IRS2: variants seen among roughly 807,000 people sequenced by gnomAD.
The protein encoded by IRS2 is insulin receptor substrate 2.
IRS2 carries 28 observed loss-of-function variants against 70.9 expected under a neutral mutation model. The observed-to-expected ratio is 0.39, with a 90% confidence interval of 0.29 to 0.54. IRS2 has a LOEUF of 0.54. IRS2 is among the 20% of genes least tolerant of loss of function. The pLI is 0.59. For missense variants in IRS2, 2,081 were observed against 2,024.1 expected (o/e 1.03, Z -0.54); for synonymous variants, 1,217 against 981.9 (o/e 1.24, Z -4.48).
rs1158208535 is a variant in IRS2 at position 109,782,625 on chromosome 13, G to A, written c.3429C>T (p.Gly1143=). ...AKVIRADPQG[G]RRRHSSETFS... is the part of the protein sequence containing the mutation. ...AGGTCTCGGAACTGTGGCGGCGGCG[G>A]CCCCCCTGCGGGTCTGCGCGGATGA... is the stretch of plus-strand genomic sequence containing the variant. Residue 1143 remains glycine, a synonymous_variant, in exon 1 of 2, where the codon GGC becomes GGT. Transcript: ENST00000375856. The A allele has an allele frequency of 7.6e-6, 12 of 1,574,040 alleles. No individual in the cohort carries two copies. In the African/African-American group the frequency reaches 1.3e-4, roughly 18 times the overall value.
At position 109,784,396 on chromosome 13, in the gene IRS2, C is replaced by G. The variant is rs781069043; in HGVS notation, c.1658G>C (p.Gly553Ala). 1 of 1,610,674 alleles carries G rather than the reference C, an allele frequency of 6.2e-7. No homozygotes were observed. Among genetic ancestry groups the G allele is most frequent in the Non-Finnish European group, 8.5e-7 (1 of 1,179,348 alleles). Residue 553 changes from glycine (G) to alanine (A), a missense_variant, in exon 1 of 2, where the codon GGC becomes GCC. Around this residue, in one of 4 missense-constraint regions of IRS2, gnomAD observed 1,615 missense variants for 1,459.5 expected, o/e 1.11. Coordinates refer to ENST00000375856, the MANE Select transcript of IRS2 (RefSeq NM_003749.3). This position sits in a 1 kb window ranked among gnomAD's most constrained non-coding sequence, Gnocchi z 5.2. ...MTMDRPLSHC[G>A]RSYRRVSGDA... ...CCCCGAGACCCGGCGGTAGGAGCGG[C>G]CACAGTGGCTCAGGGGCCTGTCCAT...
chr13:109,783,539 G>A lies in IRS2; in HGVS notation c.2515C>T (p.Leu839=). The change falls in exon 1 of 2, where the codon CTG becomes TTG. Residue 839 remains leucine (L), a synonymous_variant. Coordinates refer to ENST00000375856, the MANE Select transcript of IRS2 (RefSeq NM_003749.3). ...GGCCCTGGCGTGGCCTGAGGCTCCA[G>A]ACGCTCCTCCTCCAGGATGCGCCCC... The part of the protein sequence containing the change: ...PVGRILEEER[L]EPQATPGPSQ... The A allele has an allele frequency of 6.5e-7, 1 of 1,549,494 alleles. No homozygotes were observed. The highest frequency in any genetic ancestry group is 8.7e-7 in the Non-Finnish European group (1 of 1,146,774).
rs2138935576 is a variant in IRS2, at chr13:109,784,364, C to T, written c.1690G>A (p.Ala564Thr). 6.2e-7 allele frequency: 1 copy of T among 1,609,618 alleles called. No homozygotes were observed. ...CGCAGCCCTCGGTCCAGGTCCTGGG[C>T]CGCGTCCCCCGAGACCCGGCGGTAG... Reference protein sequence around the residue: ...RSYRRVSGDAAQDLDRGLRKR... With the variant: ...RSYRRVSGDATQDLDRGLRKR... Residue 564 changes from alanine to threonine, a missense_variant, in exon 1 of 2, where the codon GCC becomes ACC. Transcript: ENST00000375856. The surrounding 1 kb of genome is among the most constrained non-coding windows in gnomAD (Gnocchi z 5.2).
At position 109,785,178 on chromosome 13, in the gene IRS2, C is replaced by T. The variant is rs2138937694; in HGVS notation, c.876G>A (p.Lys292=). ...NIHETILEAM[K]ALKELFEFRP... ...GGAACTCGAAGAGCTCCTTGAGCGCCTTCATGGCCTCCAGGATGGTCTCGT... is the reference window on the plus strand; with the variant it reads ...GGAACTCGAAGAGCTCCTTGAGCGCTTTCATGGCCTCCAGGATGGTCTCGT... The change falls in exon 1 of 2, where the codon AAG becomes AAA. Residue 292 remains lysine (K), a synonymous_variant. Transcript: ENST00000375856. The surrounding 1 kb of genome is among the most constrained non-coding windows in gnomAD (Gnocchi z 9.3). 1 of 1,601,916 alleles carries T rather than the reference C, an allele frequency of 6.2e-7. No homozygotes were observed. The highest frequency in any genetic ancestry group is 8.5e-7 in the Non-Finnish European group (1 of 1,174,976).
chr13:109,753,501 T>C lies in IRS2; in HGVS notation c.*2803A>G, dbSNP rs1877038673. 6.6e-6 allele frequency: 1 copy of C among 152,352 alleles called. No homozygotes were observed. Among genetic ancestry groups the C allele is most frequent in the Admixed American group, 6.5e-5 (1 of 15,286 alleles). The allele number at this position is 152,352 out of a possible 1,614,324, so 9.4% of individuals were successfully genotyped here. ...TTTTGTACCTCGGGCTCCTCCTCTG[T>C]AGAATGAGGATGACAATTCTTACCT... On this transcript the variant is annotated 3_prime_UTR_variant, in exon 2 of 2. Coordinates refer to ENST00000375856, the MANE Select transcript of IRS2 (RefSeq NM_003749.3).
At chr13:109,756,730 TTC>T (rs1236004809) in intron 1 of IRS2, among the ~76,000 whole-genome samples, 19 of 152,162 alleles carry the variant, frequency 1.2e-4, no homozygotes, top group African/African-American at 4.6e-4. Flanking sequence ...TCCACTTGCC[TTC>T]CTCCCAGGGC....
At chr13:109,756,872 C>G (rs898967760) in intron 1 of IRS2, among the ~76,000 whole-genome samples, 1 of 152,194 alleles carries the variant, frequency 6.6e-6, no homozygotes, top group Admixed American at 6.5e-5. Flanking sequence ...AACTTCCAAC[C>G]GGATCATCTA....
In IRS2 at chr13:109,774,578, G is replaced by A. The variant is rs60868291; in HGVS notation, c.4012+7464C>T. Among the ~76,000 whole-genome samples, 61 of 152,186 alleles carry A rather than the reference G, an allele frequency of 4.0e-4. 1 individual carries two copies. The East Asian group carries it at 7.7e-3, about 19-fold the overall frequency. ...ATCCTAATGTAATTATTGCATATGA[G>A]CTTCCCAAGCAGACAATATGACATT... On this transcript the variant is annotated intron_variant, in intron 1 of 1. Coordinates refer to ENST00000375856, the MANE Select transcript of IRS2 (RefSeq NM_003749.3).
Position 109,785,466 on chromosome 13 carries a change from C to T in IRS2, c.588G>A (p.Glu196=). 1 of 1,612,212 alleles carries T rather than the reference C, an allele frequency of 6.2e-7. No individual in the cohort carries two copies. Among genetic ancestry groups the T allele is most frequent in the East Asian group, 2.2e-5 (1 of 44,806 alleles). Residue 196 remains glutamate, a synonymous_variant, in exon 1 of 2, where the codon GAG becomes GAA. Coordinates refer to ENST00000375856, the MANE Select transcript of IRS2 (RefSeq NM_003749.3). This position sits in a 1 kb window ranked among gnomAD's most constrained non-coding sequence, Gnocchi z 9.3. ...TGGGCTTCAGGTTCACCTGCCACAC[C>T]TCACGGTAGGCGGCCGTGGCGGGAG... ...LVAPATAAYR[E]VWQVNLKPKG... is the part of the protein sequence containing the mutation.
Position 109,785,344 on chromosome 13 carries a change from G to A in IRS2, c.710C>T (p.Ser237Leu), listed in dbSNP as rs2138938070. 1 of 1,611,610 alleles carries A rather than the reference G, an allele frequency of 6.2e-7. No individual in the cohort carries two copies. Among genetic ancestry groups the A allele is most frequent in the Middle Eastern group, 1.7e-4 (1 of 6,056 alleles). The change falls in exon 1 of 2, where the codon TCG becomes TTG. Residue 237 changes from serine (S) to leucine (L), a missense_variant. This residue lies in a region of IRS2 where 35 missense variants were observed against 78.6 expected (regional missense o/e 0.45). Transcript: ENST00000375856. This position sits in a 1 kb window ranked among gnomAD's most constrained non-coding sequence, Gnocchi z 9.3. Reference protein sequence around the residue: ...GFVKLNCEQPSVTLQLMNIRR... With the variant: ...GFVKLNCEQPLVTLQLMNIRR... ...GATGTTCATGAGCTGCAGCGTCACC[G>A]ACGGCTGCTCGCAGTTGAGCTTCAC...
chr13:109,768,995 C>A (rs1447989251), intron 1 of IRS2, among the ~76,000 whole-genome samples: 1 of 152,186 alleles, frequency 6.6e-6, no homozygotes, highest in Admixed American at 6.5e-5. Context: ...ACGCTACAAA[C>A]GTTAAGTTTT....
intron 1 of IRS2, among the ~76,000 whole-genome samples, chr13:109,758,874 CGGAAGAGGAAGA>C (rs1181712113): frequency 9.2e-6 from 1 of 108,896 alleles, no homozygotes; most frequent in East Asian, 2.5e-4. Flanking sequence ...GAAGGGCAAG[CGGAAGAGGAAGA>C]GGAAGGGGAA....
chr13:109,757,670 T>C (rs1230962570), intron 1 of IRS2, among the ~76,000 whole-genome samples: 3 of 152,162 alleles, frequency 2.0e-5, no homozygotes, highest in Non-Finnish European at 2.9e-5. Context: ...GTTTTATCTA[T>C]TTTATTTATT....
rs781449170 is a variant in IRS2, at chr13:109,785,118, C to T, written c.936G>A (p.Ser312=). ...CGGGGACGCTGATGGGGTGCGTGGC[C>T]GACGACCCCGACGATTGGCTCTTAC... ...PRSKSQSSGS[S]ATHPISVPGA... Residue 312 remains serine, a synonymous_variant, in exon 1 of 2, where the codon TCG becomes TCA. Coordinates refer to ENST00000375856, the MANE Select transcript of IRS2 (RefSeq NM_003749.3). The surrounding 1 kb of genome is among the most constrained non-coding windows in gnomAD (Gnocchi z 9.3). The T allele has an allele frequency of 1.0e-5, 16 of 1,591,690 alleles. No individual in the cohort carries two copies. Among genetic ancestry groups the T allele is most frequent in the Non-Finnish European group, 1.4e-5 (16 of 1,170,160 alleles).
rs1877881558 is a variant in IRS2, at chr13:109,785,229, G to C, written c.825C>G (p.Asp275Glu). 6.2e-7 allele frequency: 1 copy of C among 1,604,922 alleles called. No homozygotes were observed. Among genetic ancestry groups the C allele is most frequent in the Admixed American group, 1.7e-5 (1 of 59,292 alleles). Residue 275 changes from aspartate to glutamate, a missense_variant, in exon 1 of 2, where the codon GAC (aspartate) becomes GAG (glutamate). Asp to Glu is a conservative substitution (Grantham distance 45). This residue lies in a region of IRS2 where 35 missense variants were observed against 78.6 expected (regional missense o/e 0.45). Coordinates refer to ENST00000375856, the MANE Select transcript of IRS2 (RefSeq NM_003749.3). This position sits in a 1 kb window ranked among gnomAD's most constrained non-coding sequence, Gnocchi z 9.3. ...GGATGTTCTGCGCCACCACCGAGTC[G>C]TCCGCCTGCATCCACAGCTCGCCGG... ...TGPGELWMQA[D>E]DSVVAQNIHE...
rs1877868618 is a variant in IRS2, at chr13:109,784,917, G to A, written c.1137C>T (p.Gly379=). Residue 379 remains glycine, a synonymous_variant, in exon 1 of 2, where the codon GGC becomes GGT. Coordinates refer to ENST00000375856, the MANE Select transcript of IRS2 (RefSeq NM_003749.3). The surrounding 1 kb of genome is among the most constrained non-coding windows in gnomAD (Gnocchi z 5.2). ...GGAAAGAAAA[G]ARPVSVAGSP... ...TCCCAGCCACCGACACCGGCCTGGCGCCCGCGGCCGCCGCTCCCGCCGCCG... is the reference window on the plus strand; with the variant it reads ...TCCCAGCCACCGACACCGGCCTGGCACCCGCGGCCGCCGCTCCCGCCGCCG... 1.9e-6 allele frequency: 2 copies of A among 1,040,238 alleles called. No individual in the cohort carries two copies. Among genetic ancestry groups the A allele is most frequent in the Admixed American group, 5.6e-5 (1 of 17,862 alleles). The allele number at this position is 1,040,238 out of a possible 1,614,324, so 64.4% of individuals were successfully genotyped here.
At chr13:109,772,762 C>T (rs1315842612) in intron 1 of IRS2, among the ~76,000 whole-genome samples, 3 of 148,938 alleles carry the variant, frequency 2.0e-5, no homozygotes, top group Non-Finnish European at 4.4e-5. Flanking sequence ...GTGGCGCGAT[C>T]TCGGCTCACT....
intron 1 of IRS2, among the ~76,000 whole-genome samples, chr13:109,763,632 G>A (rs79891016): frequency 0.04 from 6,114 of 152,244 alleles, 155 homozygotes; most frequent in Admixed American, 0.054. Flanking sequence ...AAGAGTATTT[G>A]GGCCAAGTGA....
intron 1 of IRS2, among the ~76,000 whole-genome samples, chr13:109,756,942 T>A (rs1877119746): frequency 6.6e-6 from 1 of 152,232 alleles, no homozygotes. Context: ...TGTTGTTGCA[T>A]AACCCTCAAC....
Sources: allele counts gnomAD v4.1 joint callset (sites outside exome capture counted in the v4.1 genomes callset), GRCh38; gene constraint gnomAD v4.1.1; regional missense constraint gnomAD v4.1.1; non-coding constraint Gnocchi (gnomAD v3.1); transcripts MANE v1.5; gene names NCBI Gene and HGNC (gene_info 2026-07-23, HGNC 2026-07-21).